PDE12: variants seen among roughly 807,000 people sequenced by gnomAD.
PDE12 encodes the protein phosphodiesterase 12.
Under a neutral mutation model 45.4 loss-of-function variants are expected in PDE12, and 26 were observed. The observed-to-expected ratio is 0.57, with a 90% CI of 0.42 to 0.79. The LOEUF (loss-of-function observed/expected upper bound fraction) is 0.79, where lower values mean the gene tolerates loss of function less well. Among genes scored for constraint, PDE12 ranks in the 30% least tolerant of loss-of-function variants. The pLI, the probability that PDE12 is intolerant of heterozygous loss-of-function variation, is 0.00. For synonymous variants in PDE12, 283 were observed against 323.9 expected, an observed-to-expected ratio of 0.87 and a Z score of 1.36; for missense variants, 668 against 790.0, an observed-to-expected ratio of 0.85 and a Z score of 1.85.
chr3:57,608,621 A>G, the PDE12 span, among the ~76,000 whole-genome samples: 1 of 152,094 alleles, frequency 6.6e-6, no homozygotes, highest in South Asian at 2.1e-4. Flanking sequence ...TAAACCAACA[A>G]AGATCAAAAG....
chr3:57,618,926 T>A, the PDE12 span, among the ~76,000 whole-genome samples: 1 of 152,136 alleles, frequency 6.6e-6, no homozygotes, highest in Non-Finnish European at 1.5e-5. Flanking sequence ...TGTTTGTCAA[T>A]ATATTTGTTA....
the PDE12 span, chr3:57,631,008 AG>A: frequency 6.2e-7 from 1 of 1,601,522 alleles, no homozygotes; most frequent in Non-Finnish European, 8.5e-7. Context: ...TAATAAAAGG[AG>A]TGTCTTCAAA....
At chr3:57,582,323 A>G in the PDE12 span, among the ~76,000 whole-genome samples, 2 of 149,054 alleles carry the variant, frequency 1.3e-5, no homozygotes, top group African/African-American at 5.0e-5. Flanking sequence ...GCTCATCACA[A>G]CCTCCACCTC....
At chr3:57,646,491 T>A in the PDE12 span, 4 of 1,543,556 alleles carry the variant, frequency 2.6e-6, no homozygotes, top group African/African-American at 5.6e-5. Context: ...ATCCTGTTTT[T>A]AAAATTCCTA....
the PDE12 span, among the ~76,000 whole-genome samples, chr3:57,638,464 C>T: frequency 6.6e-6 from 1 of 151,594 alleles, no homozygotes; most frequent in Non-Finnish European, 1.5e-5. Context: ...TCGAGACCAG[C>T]CTGGCCAACA....
the PDE12 span, chr3:57,596,902 G>GAATC: frequency 1.6e-6 from 1 of 641,500 alleles, no homozygotes; most frequent in Admixed American, 2.9e-5. Flanking sequence ...GGGGCGGGGG[G>GAATC]GATCGCTCAC....
the PDE12 span, among the ~76,000 whole-genome samples, chr3:57,653,395 T>C: frequency 6.6e-5 from 10 of 152,172 alleles, no homozygotes; most frequent in African/African-American, 2.4e-4. Context: ...AGTTGTTTTT[T>C]TGGGTGGGAG....
At chr3:57,616,539 T>G in the PDE12 span, among the ~76,000 whole-genome samples, 2 of 152,178 alleles carry the variant, frequency 1.3e-5, no homozygotes, top group East Asian at 3.9e-4. Context: ...ACAGACTACC[T>G]TAATAGCCTT....
intron 1 of PDE12, among the ~76,000 whole-genome samples, chr3:57,557,963 A>G (rs1308736886): frequency 1.3e-5 from 2 of 152,212 alleles, no homozygotes; most frequent in African/African-American, 4.8e-5. Context: ...CACACGCTAA[A>G]TGCAAGAACA....
At position 57,564,500 on chromosome 3, in the gene PDE12, TATC is replaced by T. The variant is rs1329684750; in HGVS notation, c.*4499_*4501del. ...GCCCAGTAATTCACTTTAATGATGT[TATC>T]ATGAAGTATTGATGTACTTTTTTTT... On this transcript the variant is annotated 3_prime_UTR_variant, in exon 3 of 3. Coordinates refer to ENST00000311180, the MANE Select transcript of PDE12 (RefSeq NM_177966.7). 5 of 147,904 alleles carry T rather than the reference TATC, an allele frequency of 3.4e-5. No individual in the cohort carries two copies. The highest frequency in any genetic ancestry group is 1.2e-4 in the African/African-American group (5 of 40,880). The allele number at this position is 147,904 out of a possible 1,614,324, so 9.2% of individuals were successfully genotyped here.
At chr3:57,576,889 T>C in the PDE12 span, among the ~76,000 whole-genome samples, 1 of 152,112 alleles carries the variant, frequency 6.6e-6, no homozygotes, top group South Asian at 2.1e-4. Flanking sequence ...TGGCACAGCA[T>C]AGAGAAAATG....
chr3:57,617,211 C>A, the PDE12 span, among the ~76,000 whole-genome samples: 2 of 152,082 alleles, frequency 1.3e-5, no homozygotes, highest in Admixed American at 6.6e-5. Flanking sequence ...TCGAGACCAG[C>A]CTGGGCAACA....
chr3:57,619,672 G>C, the PDE12 span: 2 of 151,988 alleles, frequency 1.3e-5, no homozygotes, highest in African/African-American at 4.8e-5. Context: ...AGCAAACATG[G>C]TGAAACTCCG....
At chr3:57,602,007 G>A in the PDE12 span, among the ~76,000 whole-genome samples, 54 of 151,396 alleles carry the variant, frequency 3.6e-4, no homozygotes, top group African/African-American at 1.3e-3. Flanking sequence ...TGCCCACCTC[G>A]GCCTCCCAGA....
the PDE12 span, among the ~76,000 whole-genome samples, chr3:57,644,614 T>C: frequency 7.0e-6 from 1 of 143,008 alleles, no homozygotes; most frequent in East Asian, 2.1e-4. Context: ...GGCTGGTGAT[T>C]AAAATATTTT....
the PDE12 span, among the ~76,000 whole-genome samples, chr3:57,604,688 C>T: frequency 6.7e-6 from 1 of 150,146 alleles, no homozygotes; most frequent in Admixed American, 6.7e-5. Flanking sequence ...TCGTGGCTCA[C>T]TGCAACCTCT....
At chr3:57,649,351 A>C in the PDE12 span, among the ~76,000 whole-genome samples, 1 of 152,186 alleles carries the variant, frequency 6.6e-6, no homozygotes, top group Non-Finnish European at 1.5e-5. Context: ...AAATCAAAAA[A>C]TAATAAATGT....
the PDE12 span, among the ~76,000 whole-genome samples, chr3:57,651,159 C>T: frequency 1.3e-5 from 2 of 152,150 alleles, no homozygotes; most frequent in Admixed American, 6.5e-5. Flanking sequence ...GGTCGACTTA[C>T]AATTTTTAAC....
the PDE12 span, among the ~76,000 whole-genome samples, chr3:57,615,060 C>T: frequency 6.6e-6 from 1 of 151,778 alleles, no homozygotes; most frequent in Admixed American, 6.6e-5. Context: ...CCACAGGCAC[C>T]CGCCACTGCA....
Sources: allele counts gnomAD v4.1 joint callset (sites outside exome capture counted in the v4.1 genomes callset), GRCh38; gene constraint gnomAD v4.1.1; transcripts MANE v1.5; gene names NCBI Gene and HGNC (gene_info 2026-07-23, HGNC 2026-07-21).